The following EIF4E variants were observed in gnomAD, a reference collection of about 807,000 sequenced individuals.
EIF4E encodes eIF-4F 25 kDa subunit.
For synonymous variants in EIF4E, 71 were observed against 88.5 expected, an observed-to-expected ratio of 0.80 and a Z score of 1.11; for missense variants, 113 against 265.6, an observed-to-expected ratio of 0.43 and a Z score of 3.99.
chr4:98,928,819 T>C, intron 1 of EIF4E: 7 of 1,515,458 alleles, frequency 4.6e-6, no homozygotes, highest in South Asian at 2.5e-5. Context: ...CTCCACCCTG[T>C]AGACACCTCG....
chr4:98,920,656 T>C (rs935344994), intron 1 of EIF4E, among the ~76,000 whole-genome samples: 4 of 151,874 alleles, frequency 2.6e-5, no homozygotes, highest in African/African-American at 4.8e-5. Flanking sequence ...TTTTGGACCA[T>C]GAGTATGTAA....
At chr4:98,915,310 A>T (rs1310683272) in intron 1 of EIF4E, among the ~76,000 whole-genome samples, 2 of 144,978 alleles carry the variant, frequency 1.4e-5, no homozygotes, top group African/African-American at 2.5e-5. Context: ...GGATATGGTT[A>T]AAAAAAAAAA....
intron 1 of EIF4E, among the ~76,000 whole-genome samples, chr4:98,919,792 C>T (rs184322327): frequency 3.8e-4 from 58 of 152,182 alleles, no homozygotes; most frequent in African/African-American, 1.3e-3. Flanking sequence ...CTCCTGACCT[C>T]AAGTGCTCCA....
intron 1 of EIF4E, among the ~76,000 whole-genome samples, chr4:98,922,850 C>CT (rs112293850): frequency 0.15 from 20,996 of 136,548 alleles, 1,675 homozygotes; most frequent in East Asian, 0.2. Flanking sequence ...TTTCTTTTTT[C>CT]TTTTTTTTTT....
At chr4:98,902,095 G>C (rs1724677701) in intron 1 of EIF4E, 113 bp from the exon 2 acceptor site, 3 of 900,484 alleles carry the variant, frequency 3.3e-6, no homozygotes, top group Non-Finnish European at 5.2e-6. Context: ...TTGAGACAGA[G>C]TCTCTCTCTG....
intron 2 of EIF4E, among the ~76,000 whole-genome samples, chr4:98,898,061 T>C (rs1279186186): frequency 6.6e-6 from 1 of 152,100 alleles, no homozygotes; most frequent in Non-Finnish European, 1.5e-5. Context: ...GATTCCACAT[T>C]GCAACTAGCC....
chr4:98,923,917 T>A (rs1725761248), intron 1 of EIF4E, among the ~76,000 whole-genome samples: 1 of 152,168 alleles, frequency 6.6e-6, no homozygotes, highest in African/African-American at 2.4e-5. Flanking sequence ...CCGTAATATA[T>A]CTTATTCCGA....
chr4:98,887,269 G>A lies in EIF4E; in HGVS notation c.286-77C>T. ...AGAGATAATCATTAGAAACAGTTAA[G>A]CAACAACACTGTCAACTTCTTACTT... On this transcript the variant is annotated intron_variant, in intron 4 of 6. Coordinates refer to ENST00000450253, the MANE Select transcript of EIF4E (RefSeq NM_001968.5). This position sits in a 1 kb window ranked among gnomAD's most constrained non-coding sequence, Gnocchi z 4.0. The A allele has an allele frequency of 3.5e-6, 5 of 1,415,406 alleles. No homozygotes were observed. The highest frequency in any genetic ancestry group is 3.0e-6 in the Non-Finnish European group (3 of 1,001,210). 87.7% of individuals were successfully genotyped at this position (1,415,406 alleles called of 1,614,324 possible).
chr4:98,892,129 C>T (rs555683497), intron 2 of EIF4E, among the ~76,000 whole-genome samples: 3 of 146,758 alleles, frequency 2.0e-5, no homozygotes, highest in Admixed American at 6.8e-5. Context: ...GGCGGATCAC[C>T]TGAGGTTGGG....
chr4:98,884,224 G>A (rs1723817598), intron 6 of EIF4E, among the ~76,000 whole-genome samples: 2 of 152,032 alleles, frequency 1.3e-5, no homozygotes, highest in African/African-American at 4.8e-5. Flanking sequence ...AATAATCACT[G>A]AATTATTATT....
At chr4:98,927,654 C>CAAAAAAA (rs774720176) in intron 1 of EIF4E, among the ~76,000 whole-genome samples, 51 of 35,084 alleles carry the variant, frequency 1.5e-3, no homozygotes, top group Non-Finnish European at 2.0e-3. Context: ...GACTCCATCT[C>CAAAAAAA]AAAAAAAAAA....
chr4:98,919,210 G>A (rs1579184016), intron 1 of EIF4E, among the ~76,000 whole-genome samples: 1 of 151,958 alleles, frequency 6.6e-6, no homozygotes, highest in African/African-American at 2.4e-5. Flanking sequence ...AGGAGGCTGA[G>A]GCAGGAGTCA....
Position 98,906,432 on chromosome 4 carries a change from G to A in EIF4E, c.19-4450C>T, listed in dbSNP as rs987235653. Among the ~76,000 whole-genome samples the A allele has an allele frequency of 3.3e-5, 5 of 152,164 alleles. No homozygotes were observed. The South Asian group carries it at 6.2e-4, about 19-fold the overall frequency. ...AAATCTGTAGCAATTTGACAATTTT[G>A]TATCTGCTGAAACTAATCAAATTCA... On this transcript the variant is annotated intron_variant, in intron 1 of 6. Coordinates refer to ENST00000450253, the MANE Select transcript of EIF4E (RefSeq NM_001968.5).
chr4:98,913,153 A>T (rs1725226892), intron 1 of EIF4E, among the ~76,000 whole-genome samples: 2 of 151,990 alleles, frequency 1.3e-5, no homozygotes, highest in Admixed American at 1.3e-4. Flanking sequence ...GGTTGCAGTG[A>T]GCCAAGGTAG....
At chr4:98,915,028 C>T (rs1725318183) in intron 1 of EIF4E, among the ~76,000 whole-genome samples, 1 of 152,192 alleles carries the variant, frequency 6.6e-6, no homozygotes, top group Non-Finnish European at 1.5e-5. Flanking sequence ...ACTGAAGTCT[C>T]GACCTCCAGG....
chr4:98,928,815 C>G (rs1171987387), intron 1 of EIF4E: 41 of 1,510,150 alleles, frequency 2.7e-5, no homozygotes, highest in Non-Finnish European at 3.5e-5. Context: ...TACCCTCCAC[C>G]CTGTAGACAC....
chr4:98,919,071 G>GCCT (rs1725532308), intron 1 of EIF4E, among the ~76,000 whole-genome samples: 1 of 152,106 alleles, frequency 6.6e-6, no homozygotes, highest in African/African-American at 2.4e-5. Flanking sequence ...CACTTTGGGA[G>GCCT]GCTGAGGCAG....
intron 1 of EIF4E, among the ~76,000 whole-genome samples, chr4:98,912,029 C>T (rs181949617): frequency 3.2e-4 from 49 of 151,506 alleles, no homozygotes; most frequent in Non-Finnish European, 5.6e-4. Context: ...TCGAGGCGGG[C>T]GGATCACGAG....
intron 1 of EIF4E, among the ~76,000 whole-genome samples, chr4:98,914,058 A>AGCACTT (rs1239650170): frequency 3.3e-5 from 5 of 150,914 alleles, no homozygotes; most frequent in Non-Finnish European, 7.4e-5. Flanking sequence ...TATAAAAATG[A>AGCACTT]GCACTTAAAA....
Sources: allele counts gnomAD v4.1 joint callset (sites outside exome capture counted in the v4.1 genomes callset), GRCh38; gene constraint gnomAD v4.1.1; non-coding constraint Gnocchi (gnomAD v3.1); transcripts MANE v1.5; gene names NCBI Gene and HGNC (gene_info 2026-07-23, HGNC 2026-07-21).